Variants in ARHGAP26 observed in about 807,000 individuals in gnomAD.
ARHGAP26 encodes rho GTPase-activating protein 26.
Under a neutral mutation model 104.8 loss-of-function variants are expected in ARHGAP26, and 38 were observed. That is an observed-to-expected ratio of 0.36 (90% CI 0.28 to 0.48). ARHGAP26 has a LOEUF of 0.48. Ranked by LOEUF, ARHGAP26 falls within the 20% of genes least tolerant of loss-of-function variation. The pLI, the probability that ARHGAP26 is intolerant of heterozygous loss-of-function variation, is 0.99. For missense variants in ARHGAP26, 704 were observed against 947.9 expected (o/e 0.74, Z 3.38); for synonymous variants, 341 against 340.0 (o/e 1.00, Z -0.03).
chr5:143,128,659 TC>T (rs1796984189), intron 18 of ARHGAP26, among the ~76,000 whole-genome samples: 1 of 152,212 alleles, frequency 6.6e-6, no homozygotes, highest in Admixed American at 6.5e-5. Context: ...CAGTCCTCGG[TC>T]CCATTGTCTG....
chr5:143,212,542 T>C (rs532372769), intron 21 of ARHGAP26, among the ~76,000 whole-genome samples: 2 of 152,260 alleles, frequency 1.3e-5, no homozygotes, highest in Admixed American at 6.5e-5. Context: ...TGGTGAATAC[T>C]AAGGACTCTT....
At chr5:142,990,541 G>A (rs552594372) in intron 11 of ARHGAP26, among the ~76,000 whole-genome samples, 2 of 152,296 alleles carry the variant, frequency 1.3e-5, no homozygotes, top group East Asian at 3.9e-4. Flanking sequence ...GAGATGCTCT[G>A]ATTTTTAGAA....
intron 1 of ARHGAP26, among the ~76,000 whole-genome samples, chr5:142,855,150 G>A (rs181661174): frequency 3.5e-4 from 54 of 152,238 alleles, no homozygotes; most frequent in Non-Finnish European, 6.9e-4. Context: ...TGAAGTCACC[G>A]TTTTAGAACA....
chr5:143,066,262 G>T (rs1188974130), intron 17 of ARHGAP26, among the ~76,000 whole-genome samples: 3 of 152,186 alleles, frequency 2.0e-5, no homozygotes, highest in South Asian at 4.1e-4. Flanking sequence ...TGTGCAGCAG[G>T]CTCGACCATC....
At chr5:143,204,312 C>G (rs1808223366) in intron 20 of ARHGAP26, among the ~76,000 whole-genome samples, 1 of 152,142 alleles carries the variant, frequency 6.6e-6, no homozygotes, top group Admixed American at 6.6e-5. Context: ...CACCTGAGGT[C>G]AGGAGTTCAA....
At chr5:142,797,863 G>C (rs1046012240) in intron 1 of ARHGAP26, among the ~76,000 whole-genome samples, 1 of 152,204 alleles carries the variant, frequency 6.6e-6, no homozygotes, top group Non-Finnish European at 1.5e-5. Context: ...TGGGGACCTT[G>C]TTAAAATGCA....
intron 1 of ARHGAP26, among the ~76,000 whole-genome samples, chr5:142,824,926 A>G (rs1037346925): frequency 6.6e-6 from 1 of 152,230 alleles, no homozygotes; most frequent in Non-Finnish European, 1.5e-5. Context: ...CTGCTACTAC[A>G]GGCAGAGAAG....
intron 12 of ARHGAP26, among the ~76,000 whole-genome samples, chr5:143,032,861 AAG>A (rs1181467099): frequency 2.0e-5 from 3 of 152,148 alleles, no homozygotes; most frequent in African/African-American, 4.8e-5. Flanking sequence ...GTGTGTGAAA[AAG>A]AAGAGACAAA....
intron 9 of ARHGAP26, among the ~76,000 whole-genome samples, chr5:142,910,179 T>C (rs911190407): frequency 6.6e-6 from 1 of 152,220 alleles, no homozygotes; most frequent in African/African-American, 2.4e-5. Flanking sequence ...TTACCCTGTT[T>C]GATCCAGTTT....
At position 143,160,246 on chromosome 5, in the gene ARHGAP26, A is replaced by G. The variant is rs191693327; in HGVS notation, c.1988+12865A>G. On this transcript the variant is annotated intron_variant, in intron 20 of 22. Transcript: ENST00000645722. ...TGCTAATTTTTTTTATTTTTAGTAG[A>G]GATGGAGTTTCACCGTGTTAGCCAG... Among the ~76,000 whole-genome samples, 363 of 151,978 alleles carry G rather than the reference A, an allele frequency of 2.4e-3. 2 individuals are homozygous for G. Among genetic ancestry groups the G allele is most frequent in the Non-Finnish European group, 3.8e-3 (259 of 67,964 alleles).
chr5:142,916,503 C>T (rs1333651554), intron 10 of ARHGAP26, among the ~76,000 whole-genome samples: 1 of 152,164 alleles, frequency 6.6e-6, no homozygotes, highest in African/African-American at 2.4e-5. Flanking sequence ...TTTTAGTTGT[C>T]CTTTATTCTT....
At chr5:142,856,125 G>T (rs1249107633) in intron 1 of ARHGAP26, among the ~76,000 whole-genome samples, 1 of 152,214 alleles carries the variant, frequency 6.6e-6, no homozygotes, top group African/African-American at 2.4e-5. Flanking sequence ...TGTGGGTGGT[G>T]TACGAGACTG....
At chr5:142,876,776 CAAAAAAAA>C (rs34843524) in intron 3 of ARHGAP26, among the ~76,000 whole-genome samples, 17 of 48,456 alleles carry the variant, frequency 3.5e-4, no homozygotes, top group Admixed American at 1.3e-3. Flanking sequence ...GACCCTGTGT[CAAAAAAAA>C]AAAAAAAAAA....
chr5:142,988,750 CCAGTAGTCATT>C (rs1775152326), intron 11 of ARHGAP26, among the ~76,000 whole-genome samples: 2 of 152,112 alleles, frequency 1.3e-5, no homozygotes, highest in Admixed American at 1.3e-4. Flanking sequence ...CGTTATGTAC[CCAGTAGTCATT>C]CAGGAGCAGG....
chr5:142,885,477 G>C lies in ARHGAP26; in HGVS notation c.486+78G>C. 7.4e-6 allele frequency: 10 copies of C among 1,343,708 alleles called. No individual in the cohort carries two copies. The South Asian group carries it at 1.1e-4, about 15-fold the overall frequency. The allele number at this position is 1,343,708 out of a possible 1,614,324, so 83.2% of individuals were successfully genotyped here. ...TGTGGATATGTGCTGGTTGCTCTTT[G>C]CTAGAAAATCTTAGGGTTAGAAGGG... On this transcript the variant is annotated intron_variant, in intron 5 of 22. Coordinates refer to ENST00000645722, the MANE Select transcript of ARHGAP26 (RefSeq NM_001135608.3).
At chr5:143,019,338 G>T (rs1056853757) in intron 12 of ARHGAP26, among the ~76,000 whole-genome samples, 1 of 151,780 alleles carries the variant, frequency 6.6e-6, no homozygotes, top group African/African-American at 2.4e-5. Flanking sequence ...TCATTGATTC[G>T]TCCCTTTCAT....
At chr5:143,126,372 A>G (rs1181664588) in intron 18 of ARHGAP26, among the ~76,000 whole-genome samples, 2 of 152,222 alleles carry the variant, frequency 1.3e-5, no homozygotes, top group Non-Finnish European at 2.9e-5. Context: ...CCTGAAAACT[A>G]TAGGAAAAGG....
chr5:142,993,343 G>C (rs1461423934), intron 11 of ARHGAP26, among the ~76,000 whole-genome samples: 1 of 151,842 alleles, frequency 6.6e-6, no homozygotes, highest in Non-Finnish European at 1.5e-5. Context: ...CTAATTTTTT[G>C]TATTTTTAGT....
At chr5:143,206,050 A>C (rs1172872274) in intron 20 of ARHGAP26, among the ~76,000 whole-genome samples, 2 of 152,230 alleles carry the variant, frequency 1.3e-5, no homozygotes, top group Non-Finnish European at 2.9e-5. Context: ...AACAGTAAGT[A>C]ATTAGGGCTA....
Sources: gnomAD v4.1 joint callset for allele counts (sites outside exome capture counted in the v4.1 genomes callset) on GRCh38, gnomAD v4.1.1 for gene constraint, MANE v1.5 for transcripts, NCBI Gene and HGNC (gene_info 2026-07-23, HGNC 2026-07-21) for gene names.